ABR: variants seen among roughly 807,000 people sequenced by gnomAD.
The protein encoded by ABR is active breakpoint cluster region-related protein.
A neutral mutation model predicts 107.2 loss-of-function variants in ABR; 35 were observed. The ratio of observed to expected loss-of-function variants is 0.33; its 90% confidence interval spans 0.25 to 0.43. ABR has a LOEUF of 0.43. ABR is among the 20% of genes least tolerant of loss of function. ABR has a pLI of 1.00. For missense variants in ABR, 815 were observed against 1,115.2 expected, an observed-to-expected ratio of 0.73 and a Z score of 3.83; for synonymous variants, 498 against 462.0, an observed-to-expected ratio of 1.08 and a Z score of -1.00.
chr17:1,094,415 G>A (rs2037261128), intron 3 of ABR, among the ~76,000 whole-genome samples: 1 of 149,848 alleles, frequency 6.7e-6, no homozygotes. Context: ...CTGTCACCCA[G>A]GCTGGAGTGC....
At chr17:1,115,743 G>A (rs2151417324) in intron 2 of ABR, among the ~76,000 whole-genome samples, 1 of 151,924 alleles carries the variant, frequency 6.6e-6, no homozygotes, top group East Asian at 1.9e-4. Flanking sequence ...TGGCCAACGT[G>A]GTGAAACCCC....
intron 16 of ABR, among the ~76,000 whole-genome samples, chr17:1,020,694 G>A (rs1358051223): frequency 1.3e-4 from 20 of 152,328 alleles, no homozygotes; most frequent in Admixed American, 1.2e-3. Flanking sequence ...AAGTGGCCCC[G>A]CAGCGGGGAG....
At position 1,111,553 on chromosome 17, in the gene ABR, G is replaced by A. The variant is rs79271721; in HGVS notation, c.247-10818C>T. Among the ~76,000 whole-genome samples, 1,467 of 152,200 alleles carry A rather than the reference G, an allele frequency of 9.6e-3. 18 individuals are homozygous for A. Among genetic ancestry groups the A allele is most frequent in the African/African-American group, 0.033 (1,358 of 41,510 alleles). On this transcript the variant is annotated intron_variant, in intron 2 of 22. Transcript: ENST00000302538. ...CTCCATAGAAGCAGCCTGCTTCAAA[G>A]GCCCCCCCAAACGGTTTATTCCAAA...
At chr17:1,176,304 G>A (rs764042566) in intron 1 of ABR, among the ~76,000 whole-genome samples, 11 of 152,166 alleles carry the variant, frequency 7.2e-5, no homozygotes, top group Non-Finnish European at 1.6e-4. Context: ...GTTTCAGGGA[G>A]AACTCTGCAA....
chr17:1,024,598 C>A (rs1476915899), intron 16 of ABR, among the ~76,000 whole-genome samples: 2 of 152,034 alleles, frequency 1.3e-5, no homozygotes, highest in African/African-American at 4.8e-5. Flanking sequence ...TCAGCCTGCG[C>A]AACATAACGA....
rs2035334558 is a variant in ABR at position 1,072,630 on chromosome 17, G to T, written c.878C>A (p.Thr293Lys). 1 of 1,609,252 alleles carries T rather than the reference G, an allele frequency of 6.2e-7. No individual in the cohort carries two copies. Among genetic ancestry groups the T allele is most frequent in the Non-Finnish European group, 8.5e-7 (1 of 1,178,106 alleles). The change falls in exon 8 of 23, where the codon ACA becomes AAA. Residue 293 changes from threonine to lysine, a missense_variant. Around this residue, in one of 5 missense-constraint regions of ABR, gnomAD observed 385 missense variants for 596.9 expected, o/e 0.64. Transcript: ENST00000302538. ...TGAGCTCACCTCCCCCTTGGGCGTT[G>T]TCACTGCAGTCCGGCGGGGGTCGAT... ...EDIDPRRTAV[T>K]TPKGETRQLV... is the part of the protein sequence containing the mutation.
chr17:1,171,854 C>T (rs1240330190), intron 1 of ABR, among the ~76,000 whole-genome samples: 1 of 152,102 alleles, frequency 6.6e-6, no homozygotes, highest in African/African-American at 2.4e-5. Context: ...TGCTTGAACC[C>T]GGGAGGCGGA....
chr17:1,180,116 C>G (rs371276660), upstream of ABR, among the ~76,000 whole-genome samples: 5,629 of 149,348 alleles, frequency 0.038, 171 homozygotes, highest in East Asian at 0.13. Context: ...AGGACGCCCC[C>G]GGCCGGGCTA....
At position 1,075,872 on chromosome 17, in the gene ABR, T is replaced by C. The variant is rs1045185383; in HGVS notation, c.701-2195A>G. Among the ~76,000 whole-genome samples the C allele has an allele frequency of 2.4e-4, 36 of 152,104 alleles. 1 individual carries two copies. Among genetic ancestry groups the C allele is most frequent in the African/African-American group, 7.7e-4 (32 of 41,428 alleles). ...GCCTGGCCAACATGGTGAAACCCCA[T>C]CTCTACTAAAAATACAAAAATTAGC... On this transcript the variant is annotated intron_variant, in intron 6 of 22. Transcript: ENST00000302538.
At chr17:1,217,386 A>G (rs935333570) in intron 1 of ABR, among the ~76,000 whole-genome samples, 1 of 152,200 alleles carries the variant, frequency 6.6e-6, no homozygotes, top group Non-Finnish European at 1.5e-5. Context: ...TCACCTTTAT[A>G]GTCTATTTCA....
intron 1 of ABR, among the ~76,000 whole-genome samples, chr17:1,171,884 C>T (rs9905059): frequency 0.019 from 2,958 of 152,176 alleles, 89 homozygotes; most frequent in African/African-American, 0.057. Context: ...GAGCCGAGAT[C>T]GCACCACTGC....
rs576014220 is a variant in ABR at position 1,051,251 on chromosome 17, G to A, written c.1562-617C>T. On this transcript the variant is annotated intron_variant, in intron 14 of 22. Coordinates refer to ENST00000302538, the MANE Select transcript of ABR (RefSeq NM_021962.5). This position sits in a 1 kb window ranked among gnomAD's most constrained non-coding sequence, Gnocchi z 4.3. ...CCAAAGGGATCTTCTCTACTCGTGCGTCCCTAGTCTCTCTCCCCCCACGAC... is the reference window on the plus strand; with the variant it reads ...CCAAAGGGATCTTCTCTACTCGTGCATCCCTAGTCTCTCTCCCCCCACGAC... 2.4e-4 allele frequency among the ~76,000 whole-genome samples: 37 copies of A among 152,202 alleles called. No homozygotes were observed. In the South Asian group the frequency reaches 4.8e-3, roughly 20 times the overall value.
At chr17:1,118,113 G>A (rs71358537) in intron 2 of ABR, among the ~76,000 whole-genome samples, 1 of 40,708 alleles carries the variant, frequency 2.5e-5, no homozygotes, top group Non-Finnish European at 4.9e-5. Context: ...CCTCCCCAGC[G>A]TTATCCCTGA....
rs2032452160 is a variant in ABR at position 1,051,083 on chromosome 17, G to C, written c.1562-449C>G. On this transcript the variant is annotated intron_variant, in intron 14 of 22. Coordinates refer to ENST00000302538, the MANE Select transcript of ABR (RefSeq NM_021962.5). The surrounding 1 kb of genome is among the most constrained non-coding windows in gnomAD (Gnocchi z 4.3). ...TAACATGGGTGCCCAGGCCTCAACA[G>C]CGGCATTTGGGGTGGGAGGCGTTTA... is the stretch of plus-strand genomic sequence containing the variant. 1.3e-5 allele frequency among the ~76,000 whole-genome samples: 2 copies of C among 152,184 alleles called. No homozygotes were observed. Among genetic ancestry groups the C allele is most frequent in the South Asian group, 4.1e-4 (2 of 4,832 alleles).
At chr17:1,199,508 G>A (rs1034538888) in intron 1 of ABR, among the ~76,000 whole-genome samples, 1 of 151,418 alleles carries the variant, frequency 6.6e-6, no homozygotes, top group Admixed American at 6.6e-5. Context: ...GGGTGGAAGG[G>A]AGAGACGGAC....
chr17:1,195,447 C>G (rs2042540130), intron 1 of ABR, among the ~76,000 whole-genome samples: 2 of 151,520 alleles, frequency 1.3e-5, no homozygotes, highest in African/African-American at 4.8e-5. Context: ...TGGTGTATCT[C>G]TCTCCCAAAG....
At chr17:1,112,580 G>A (rs762815804) in intron 2 of ABR, among the ~76,000 whole-genome samples, 1 of 147,674 alleles carries the variant, frequency 6.8e-6, no homozygotes, top group African/African-American at 2.5e-5. Context: ...CTGGGCAACA[G>A]AGCCAGACTC....
intron 6 of ABR, chr17:1,079,077 G>A: frequency 2.9e-6 from 4 of 1,400,442 alleles, no homozygotes; most frequent in East Asian, 2.5e-5. Context: ...GGGAGGGAGG[G>A]AGCCAGCAGC....
At position 1,220,216 on chromosome 17, in the gene ABR, C is replaced by T. The variant is rs915668324; in HGVS notation, c.838+8577G>A. On this transcript the variant is annotated intron_variant, in intron 1 of 22. Transcript: ENST00000574139. ...TGAGACAGGAGAATGGTGTGGATCC[C>T]GGAGGCAGAGCTTGCAGTGAACCAA... is the stretch of plus-strand genomic sequence containing the variant. 9.9e-5 allele frequency among the ~76,000 whole-genome samples: 15 copies of T among 151,448 alleles called. 1 individual carries two copies. Among genetic ancestry groups the T allele is most frequent in the Admixed American group, 3.9e-4 (6 of 15,196 alleles).
Sources: allele counts gnomAD v4.1 joint callset (sites outside exome capture counted in the v4.1 genomes callset), GRCh38; gene constraint gnomAD v4.1.1; regional missense constraint gnomAD v4.1.1; non-coding constraint Gnocchi (gnomAD v3.1); transcripts MANE v1.5; gene names NCBI Gene and HGNC (gene_info 2026-07-23, HGNC 2026-07-21).